Variants in UBR2 observed in about 807,000 individuals in gnomAD.
UBR2 encodes E3 ubiquitin-protein ligase UBR2.
Under a neutral mutation model 247.9 loss-of-function variants are expected in UBR2, and 92 were observed. The observed-to-expected ratio is 0.37, with a 90% CI of 0.31 to 0.44. The LOEUF (loss-of-function observed/expected upper bound fraction) is 0.44. Ranked by LOEUF, UBR2 falls within the 20% of genes least tolerant of loss-of-function variation. The pLI is 1.00. For missense variants in UBR2, 1,613 were observed against 2,112.6 expected (o/e 0.76, Z 4.64); for synonymous variants, 672 against 693.5 (o/e 0.97, Z 0.49).
intron 2 of UBR2, among the ~76,000 whole-genome samples, chr6:42,575,679 A>G (rs946231469): frequency 6.6e-6 from 1 of 152,210 alleles, no homozygotes; most frequent in Admixed American, 6.5e-5. Context: ...GGAGTGCCAC[A>G]GAAATCATGT....
At chr6:42,667,587 C>CT (rs1161068427) in intron 34 of UBR2, among the ~76,000 whole-genome samples, 25,898 of 46,746 alleles carry the variant, frequency 0.55, 8,560 homozygotes, top group African/African-American at 0.63. Flanking sequence ...ACAGTTTTGT[C>CT]TTTTTTTTTT....
chr6:42,686,058 A>G (rs1799369096), intron 44 of UBR2, among the ~76,000 whole-genome samples: 1 of 151,382 alleles, frequency 6.6e-6, no homozygotes, highest in Non-Finnish European at 1.5e-5. Context: ...CTTGAGCAGC[A>G]TGTATTGTTA....
intron 11 of UBR2, among the ~76,000 whole-genome samples, chr6:42,626,113 C>G (rs1457037799): frequency 6.6e-6 from 1 of 152,156 alleles, no homozygotes; most frequent in Non-Finnish European, 1.5e-5. Context: ...CGTGAGCTGC[C>G]TTATTTTTCC....
At position 42,597,577 on chromosome 6, in the gene UBR2, G is replaced by A. The variant is rs543148393; in HGVS notation, c.531+3273G>A. Among the ~76,000 whole-genome samples the A allele has an allele frequency of 3.4e-5, 5 of 148,324 alleles. No individual in the cohort carries two copies. The South Asian group carries it at 6.4e-4, about 19-fold the overall frequency. On this transcript the variant is annotated intron_variant, in intron 4 of 46. Transcript: ENST00000372901. ...GTACCACTGCCCTCCAGCCTTGGGC[G>A]ACAGAGTGAGACTCTGTCTCCAAAA...
At chr6:42,581,116 C>G (rs767066176) in intron 2 of UBR2, among the ~76,000 whole-genome samples, 31 of 147,752 alleles carry the variant, frequency 2.1e-4, no homozygotes, top group Non-Finnish European at 3.7e-4. Flanking sequence ...CAGGTTCAAC[C>G]TTTCCTCCTG....
At chr6:42,686,763 C>T (rs569538006) in intron 44 of UBR2, among the ~76,000 whole-genome samples, 28 of 152,004 alleles carry the variant, frequency 1.8e-4, no homozygotes, top group African/African-American at 5.5e-4. Context: ...CCCCACCTCC[C>T]GGACTGGGCG....
intron 11 of UBR2, among the ~76,000 whole-genome samples, chr6:42,621,253 AC>A (rs1794981704): frequency 6.6e-6 from 1 of 152,048 alleles, no homozygotes; most frequent in Non-Finnish European, 1.5e-5. Context: ...TATTCAATTA[AC>A]CCAGAAGTGT....
intron 11 of UBR2, among the ~76,000 whole-genome samples, chr6:42,629,036 GAT>G (rs1402252266): frequency 2.0e-5 from 3 of 151,974 alleles, no homozygotes; most frequent in African/African-American, 7.2e-5. Flanking sequence ...TTTGTTTTGA[GAT>G]AGAGTTTCGC....
At position 42,573,801 on chromosome 6, in the gene UBR2, T is replaced by C. The variant is rs1312341208; in HGVS notation, c.146T>C (p.Ile49Thr). The C allele has an allele frequency of 2.5e-6, 4 of 1,613,096 alleles. No homozygotes were observed. The African/African-American group carries it at 5.3e-5, about 22-fold the overall frequency. The change falls in exon 2 of 47, where the codon ATC (isoleucine) becomes ACC (threonine). Residue 49 changes from isoleucine (I) to threonine (T), a missense_variant. Around this residue, in one of 3 missense-constraint regions of UBR2, gnomAD observed 1,524 missense variants for 1,967.3 expected, o/e 0.77. Coordinates refer to ENST00000372901, the MANE Select transcript of UBR2 (RefSeq NM_001363705.2). ...CATTTAGCCCACTATGTACCCAAAA[T>C]CTACTGCAGGGGTCCCAACCCTTTT... ...YQHLAHYVPK[I>T]YCRGPNPFPQ... is the part of the protein sequence containing the mutation.
At chr6:42,665,974 T>C (rs1044450689) in intron 33 of UBR2, among the ~76,000 whole-genome samples, 193 bp from the exon 34 acceptor site, 7 of 152,186 alleles carry the variant, frequency 4.6e-5, no homozygotes, top group African/African-American at 1.7e-4. Context: ...GGCTGTACTA[T>C]AAGGAAAAGC....
intron 2 of UBR2, among the ~76,000 whole-genome samples, chr6:42,580,990 G>T (rs755426502): frequency 3.4e-5 from 5 of 146,940 alleles, no homozygotes; most frequent in Non-Finnish European, 7.5e-5. Context: ...AGATTACCTT[G>T]GGTGGTTCTA....
At chr6:42,604,663 G>T (rs1030018057) in intron 5 of UBR2, among the ~76,000 whole-genome samples, 4 of 152,096 alleles carry the variant, frequency 2.6e-5, no homozygotes, top group African/African-American at 9.7e-5. Flanking sequence ...CTGCATCAAA[G>T]TGAACTTTAA....
In UBR2 at chr6:42,688,400, G is replaced by A. The variant is rs1318320272; in HGVS notation, c.5024+14G>A. The stretch of plus-strand genomic sequence containing the variant: ...CATCTTCCTGAGGTAAGGACCTGCA[G>A]GGGCTTTTTAGCTTTGGATCTGCCT... On this transcript the variant is annotated intron_variant, in intron 45 of 46. Transcript: ENST00000372901. 6.2e-7 allele frequency: 1 copy of A among 1,611,400 alleles called. No individual in the cohort carries two copies. Among genetic ancestry groups the A allele is most frequent in the African/African-American group, 1.3e-5 (1 of 74,828 alleles).
At chr6:42,648,262 A>G in intron 22 of UBR2, 92 bp downstream of exon 22, 1 of 1,021,378 alleles carries the variant, frequency 9.8e-7, no homozygotes, top group Non-Finnish European at 1.5e-6. Context: ...ACTGAGAATG[A>G]AGTTGCAGCT....
intron 4 of UBR2, among the ~76,000 whole-genome samples, chr6:42,596,917 C>T (rs1393856597): frequency 3.3e-5 from 5 of 152,046 alleles, no homozygotes; most frequent in Non-Finnish European, 4.4e-5. Flanking sequence ...AGTAGTTGCA[C>T]GTTATAATAA....
At chr6:42,667,353 A>G (rs1798164685) in intron 34 of UBR2, among the ~76,000 whole-genome samples, 1 of 151,626 alleles carries the variant, frequency 6.6e-6, no homozygotes, top group Non-Finnish European at 1.5e-5. Context: ...AAAAAAAGAA[A>G]AAGAAAAAAC....
rs776274699 is a variant in UBR2, at chr6:42,679,840, TTA to T, written c.4718+13_4718+14del. ...GAATTCACTGATTGAAAGGTAATGA[TTA>T]TATACTTTTCTTTGTTGTATTAAAT... On this transcript the variant is annotated intron_variant, in intron 42 of 46. Transcript: ENST00000372901. 1.9e-6 allele frequency: 3 copies of T among 1,579,018 alleles called. No homozygotes were observed. The highest frequency in any genetic ancestry group is 1.7e-5 in the Admixed American group (1 of 57,812).
intron 34 of UBR2, 88 bp from the exon 35 acceptor site, chr6:42,670,004 C>A: frequency 6.8e-7 from 1 of 1,470,166 alleles, no homozygotes; most frequent in Non-Finnish European, 9.3e-7. Flanking sequence ...GGTTCAATTT[C>A]AATATAGCAA....
chr6:42,571,759 G>A (rs765177470), intron 1 of UBR2, among the ~76,000 whole-genome samples: 24 of 143,226 alleles, frequency 1.7e-4, no homozygotes, highest in African/African-American at 5.9e-4. Flanking sequence ...AAAAAAAAGC[G>A]CTTAGGATCA....
Sources: gnomAD v4.1 joint callset for allele counts (sites outside exome capture counted in the v4.1 genomes callset) on GRCh38, gnomAD v4.1.1 for gene constraint, gnomAD v4.1.1 regional missense constraint, MANE v1.5 for transcripts, NCBI Gene and HGNC (gene_info 2026-07-23, HGNC 2026-07-21) for gene names.